MBNL2: variants seen among roughly 807,000 people sequenced by gnomAD.
MBNL2 encodes the protein muscleblind-like protein 2.
MBNL2 carries 17 observed loss-of-function variants against 41.9 expected under a neutral mutation model. The observed-to-expected ratio is 0.41, with a 90% CI of 0.28 to 0.61. MBNL2 has a LOEUF of 0.61. Ranked by LOEUF, MBNL2 falls within the 20% of genes least tolerant of loss-of-function variation. The pLI, the probability that MBNL2 is intolerant of heterozygous loss-of-function variation, is 0.35. For synonymous variants in MBNL2, 195 were observed against 182.9 expected, an observed-to-expected ratio of 1.07 and a Z score of -0.53; for missense variants, 336 against 505.6, an observed-to-expected ratio of 0.66 and a Z score of 3.22.
Position 97,366,454 on chromosome 13 carries a change from GA to G in MBNL2, c.1048+1286del, listed in dbSNP as rs771246281. ...TCATTGCTCCCATGGTTCCCCTCCTGAAAGTACCCATGATGCACAGCGCTAC... is the reference window on the plus strand; with the variant it reads ...TCATTGCTCCCATGGTTCCCCTCCTGAAGTACCCATGATGCACAGCGCTAC... On this transcript the variant is annotated intron_variant, in intron 8 of 8. Transcript: ENST00000679496. The surrounding 1 kb of genome is among the most constrained non-coding windows in gnomAD (Gnocchi z 4.7). 1 of 1,518,702 alleles carries G rather than the reference GA, an allele frequency of 6.6e-7. No individual in the cohort carries two copies. Among genetic ancestry groups the G allele is most frequent in the East Asian group, 2.3e-5 (1 of 44,422 alleles). 94.1% of individuals were successfully genotyped at this position (1,518,702 alleles called of 1,614,324 possible).
chr13:97,248,345 C>T (rs1266046069), intron 1 of MBNL2, among the ~76,000 whole-genome samples: 1 of 152,206 alleles, frequency 6.6e-6, no homozygotes, highest in African/African-American at 2.4e-5. Context: ...CCATGTTGGC[C>T]AGGCTGGTCT....
rs201039654 is a variant in MBNL2 at position 97,347,028 on chromosome 13, G to T, written c.765G>T (p.Ala255=). Residue 255 remains alanine (A), a synonymous_variant, in exon 5 of 9, where the codon GCG becomes GCT. Coordinates refer to ENST00000679496, the MANE Select transcript of MBNL2 (RefSeq NM_001382683.1). The part of the protein sequence containing the change: ...KAAQHQANQA[A]VAAQAAAAAA... ...CGCAGCACCAAGCCAACCAAGCTGCGGTGGCCGCCCAGGCAGCCGCGGCCG... is the reference window on the plus strand; with the variant it reads ...CGCAGCACCAAGCCAACCAAGCTGCTGTGGCCGCCCAGGCAGCCGCGGCCG... The T allele has an allele frequency of 1.9e-6, 3 of 1,611,828 alleles. No homozygotes were observed. The highest frequency in any genetic ancestry group is 1.7e-5 in the Admixed American group (1 of 59,912).
At chr13:97,363,112 A>C (rs2063549379) in intron 7 of MBNL2, 1 of 152,170 alleles carries the variant, frequency 6.6e-6, no homozygotes, top group Non-Finnish European at 1.5e-5. Context: ...CGAGGTGTAG[A>C]AAGTTTCTGT....
the MBNL2 span, among the ~76,000 whole-genome samples, chr13:97,151,917 T>C: frequency 6.6e-6 from 1 of 152,140 alleles, no homozygotes; most frequent in Non-Finnish European, 1.5e-5. Flanking sequence ...GTATATTTCA[T>C]CTAACAACAA....
At chr13:97,231,123 C>A (rs2042321474) in intron 1 of MBNL2, among the ~76,000 whole-genome samples, 1 of 152,176 alleles carries the variant, frequency 6.6e-6, no homozygotes, top group African/African-American at 2.4e-5. Context: ...CTGATTCTAG[C>A]AGTTCTCAAT....
At chr13:97,257,776 C>T (rs576590077) in intron 1 of MBNL2, among the ~76,000 whole-genome samples, 5 of 152,270 alleles carry the variant, frequency 3.3e-5, no homozygotes, top group Admixed American at 2.0e-4. Flanking sequence ...TTCACTCCTC[C>T]ATTCACAGGA....
At chr13:97,344,477 A>G (rs571361253) in intron 4 of MBNL2, among the ~76,000 whole-genome samples, 2 of 152,342 alleles carry the variant, frequency 1.3e-5, no homozygotes, top group Admixed American at 6.5e-5. Context: ...GCATTTGTTT[A>G]AATATTAACC....
chr13:97,322,134 G>A (rs1165430822), intron 2 of MBNL2, among the ~76,000 whole-genome samples: 2 of 152,250 alleles, frequency 1.3e-5, no homozygotes, highest in East Asian at 3.9e-4. Context: ...ATGAGTAAAG[G>A]AGGAGGCACA....
Position 97,334,182 on chromosome 13 carries a change from C to G in MBNL2, c.175-94C>G. On this transcript the variant is annotated intron_variant, in intron 2 of 8. Transcript: ENST00000679496. The surrounding 1 kb of genome is among the most constrained non-coding windows in gnomAD (Gnocchi z 5.3). The stretch of plus-strand genomic sequence containing the variant: ...CACACACACACACACACACAGGATC[C>G]TTGCTTTTGTGCATAAGAAGTGATT... 1 of 878,988 alleles carries G rather than the reference C, an allele frequency of 1.1e-6. No homozygotes were observed. The highest frequency in any genetic ancestry group is 1.7e-6 in the Non-Finnish European group (1 of 574,540). 54.4% of individuals were successfully genotyped at this position (878,988 alleles called of 1,614,324 possible).
intron 1 of MBNL2, among the ~76,000 whole-genome samples, chr13:97,235,200 A>G (rs2043046188): frequency 6.6e-6 from 1 of 152,138 alleles, no homozygotes; most frequent in Non-Finnish European, 1.5e-5. Context: ...CCCCTACTCT[A>G]TCACAAACTC....
Position 97,240,611 on chromosome 13 carries a change from A to G in MBNL2, c.-605+18080A>G, listed in dbSNP as rs187222102. 1.0e-3 allele frequency among the ~76,000 whole-genome samples: 154 copies of G among 152,328 alleles called. 4 individuals carry two copies. The highest frequency in any genetic ancestry group is 5.6e-3 in the Admixed American group (85 of 15,308). ...TTCTTAAAGGCTTGATATCCCTCAC[A>G]AAGATCCCATTGTTCTTTTAGCAAA... On this transcript the variant is annotated intron_variant, in intron 1 of 8. Transcript: ENST00000679496.
the MBNL2 span, among the ~76,000 whole-genome samples, chr13:97,191,746 G>A: frequency 1.3e-5 from 2 of 152,190 alleles, no homozygotes; most frequent in African/African-American, 4.8e-5. Flanking sequence ...GTAGACATCA[G>A]CTGTTTTCAG....
chr13:97,222,718 A>G (rs959856562), intron 1 of MBNL2, among the ~76,000 whole-genome samples, 187 bp downstream of exon 1: 12 of 152,216 alleles, frequency 7.9e-5, no homozygotes, highest in African/African-American at 2.2e-4. Context: ...GCTTGAATCT[A>G]TGCCGCCTGT....
intron 2 of MBNL2, among the ~76,000 whole-genome samples, chr13:97,322,019 A>G (rs931066941): frequency 5.3e-5 from 8 of 152,210 alleles, no homozygotes; most frequent in African/African-American, 1.9e-4. Context: ...GTACAACGTT[A>G]TATAAGTCTC....
chr13:97,237,352 CTT>C (rs1396982483), intron 1 of MBNL2, among the ~76,000 whole-genome samples: 1 of 152,190 alleles, frequency 6.6e-6, no homozygotes, highest in Non-Finnish European at 1.5e-5. Context: ...CTTAATGAAG[CTT>C]TCATTGGCTA....
intron 7 of MBNL2, among the ~76,000 whole-genome samples, chr13:97,358,693 C>A (rs2063175368): frequency 1.3e-5 from 2 of 152,198 alleles, no homozygotes; most frequent in Non-Finnish European, 2.9e-5. Flanking sequence ...GGTGGGAAGA[C>A]CATCCATTGA....
chr13:97,387,064 G>T (rs1372096054), intron 8 of MBNL2, among the ~76,000 whole-genome samples: 3 of 151,100 alleles, frequency 2.0e-5, no homozygotes, highest in African/African-American at 7.3e-5. Context: ...AATAATGCTT[G>T]CAGTTCAGAA....
chr13:97,159,248 G>A, the MBNL2 span, among the ~76,000 whole-genome samples: 33 of 151,326 alleles, frequency 2.2e-4, no homozygotes, highest in African/African-American at 6.1e-4. Context: ...CCATTTGCTC[G>A]GTAGATCTTC....
the MBNL2 span, among the ~76,000 whole-genome samples, chr13:97,162,598 A>G: frequency 0.016 from 2,458 of 152,284 alleles, 77 homozygotes; most frequent in African/African-American, 0.055. Context: ...AAGCCCTGGG[A>G]TAGATGTGTA....
Sources: allele counts gnomAD v4.1 joint callset (sites outside exome capture counted in the v4.1 genomes callset), GRCh38; gene constraint gnomAD v4.1.1; non-coding constraint Gnocchi (gnomAD v3.1); transcripts MANE v1.5; gene names NCBI Gene and HGNC (gene_info 2026-07-23, HGNC 2026-07-21).